The following NCOA7 variants were observed in gnomAD, a reference collection of about 807,000 sequenced individuals.
The protein encoded by NCOA7 is 140 kDa estrogen receptor-associated protein.
A neutral mutation model predicts 104.3 loss-of-function variants in NCOA7; 45 were observed. The observed-to-expected ratio is 0.43, with a 90% CI of 0.34 to 0.55. The LOEUF (loss-of-function observed/expected upper bound fraction) is 0.55. NCOA7 is among the 20% of genes least tolerant of loss of function. The probability of loss-of-function intolerance (pLI) is 0.02; values close to 1 mark genes in which losing one functional copy is unlikely to be tolerated. For missense variants in NCOA7, 1,041 were observed against 1,119.7 expected, an observed-to-expected ratio of 0.93 and a Z score of 1.00; for synonymous variants, 398 against 402.3, an observed-to-expected ratio of 0.99 and a Z score of 0.13.
chr6:125,884,559 C>T (rs938814293), intron 7 of NCOA7, among the ~76,000 whole-genome samples: 7 of 152,182 alleles, frequency 4.6e-5, no homozygotes, highest in Non-Finnish European at 7.3e-5. Context: ...CACCAAGCTA[C>T]GACTTTTTGC....
chr6:125,853,698 A>C (rs1781314326), intron 2 of NCOA7, among the ~76,000 whole-genome samples: 1 of 152,158 alleles, frequency 6.6e-6, no homozygotes, highest in Non-Finnish European at 1.5e-5. Flanking sequence ...TGATTGTATT[A>C]GGGGATATTT....
chr6:125,916,046 T>C (rs1787044347), intron 11 of NCOA7, among the ~76,000 whole-genome samples: 3 of 152,198 alleles, frequency 2.0e-5, no homozygotes, highest in Admixed American at 1.3e-4. Context: ...CACGTCCCCA[T>C]GCAAATCATA....
chr6:125,811,967 C>T (rs1777053734), intron 1 of NCOA7, among the ~76,000 whole-genome samples: 1 of 152,140 alleles, frequency 6.6e-6, no homozygotes, highest in South Asian at 2.1e-4. Context: ...GGAGTGTATA[C>T]CAGACTGGAT....
intron 2 of NCOA7, among the ~76,000 whole-genome samples, chr6:125,821,653 A>C (rs1177009438): frequency 6.6e-6 from 1 of 152,206 alleles, no homozygotes; most frequent in Non-Finnish European, 1.5e-5. Flanking sequence ...ATGTCTTATC[A>C]ACTTATTCAT....
intron 2 of NCOA7, among the ~76,000 whole-genome samples, chr6:125,828,055 G>A (rs558901241): frequency 6.6e-6 from 1 of 152,356 alleles, no homozygotes; most frequent in African/African-American, 2.4e-5. Context: ...TTGAAAACAG[G>A]TTCTGGACTG....
intron 2 of NCOA7, among the ~76,000 whole-genome samples, chr6:125,841,740 A>G (rs945610932): frequency 6.6e-5 from 10 of 152,166 alleles, no homozygotes; most frequent in African/African-American, 2.4e-4. Flanking sequence ...ACCACCCCAG[A>G]AATTCTGTTT....
At chr6:125,799,526 G>A (rs563343765) in intron 1 of NCOA7, among the ~76,000 whole-genome samples, 84 of 149,998 alleles carry the variant, frequency 5.6e-4, no homozygotes, top group African/African-American at 2.0e-3. Flanking sequence ...TGCAACCTCC[G>A]CCTCCTGGGT....
intron 13 of NCOA7, among the ~76,000 whole-genome samples, chr6:125,924,941 G>A (rs937957611): frequency 1.3e-5 from 2 of 152,118 alleles, no homozygotes; most frequent in African/African-American, 2.4e-5. Flanking sequence ...ATCCAAGCAA[G>A]TGTGGCCTAG....
At chr6:125,890,888 C>T (rs994917615) in intron 10 of NCOA7, 78 bp downstream of exon 10, 3 of 1,284,712 alleles carry the variant, frequency 2.3e-6, no homozygotes, top group African/African-American at 3.1e-5. Flanking sequence ...TCTTAAAATA[C>T]TTAATTTTAT....
At chr6:125,796,929 C>T (rs1775394223) in intron 1 of NCOA7, 1 of 152,244 alleles carries the variant, frequency 6.6e-6, no homozygotes, top group Non-Finnish European at 1.5e-5. Context: ...GATGCAGAAC[C>T]CATGGATATG....
chr6:125,806,855 A>C (rs1041011457), intron 1 of NCOA7, among the ~76,000 whole-genome samples: 7 of 152,226 alleles, frequency 4.6e-5, no homozygotes, highest in African/African-American at 1.7e-4. Context: ...TTATAAAATT[A>C]AGTGTGTAAG....
At chr6:125,823,153 T>C (rs1778349488) in intron 2 of NCOA7, among the ~76,000 whole-genome samples, 1 of 152,180 alleles carries the variant, frequency 6.6e-6, no homozygotes, top group Admixed American at 6.5e-5. Context: ...TCTTATTTGT[T>C]TATTGGTTTT....
chr6:125,809,141 ATGTAT>A (rs1776728507), intron 1 of NCOA7, among the ~76,000 whole-genome samples: 1 of 151,998 alleles, frequency 6.6e-6, no homozygotes, highest in South Asian at 2.1e-4. Flanking sequence ...TTTTTGTAAC[ATGTAT>A]TTATTTATTT....
chr6:125,843,117 A>C (rs998001498), intron 2 of NCOA7, among the ~76,000 whole-genome samples: 1 of 152,218 alleles, frequency 6.6e-6, no homozygotes. Flanking sequence ...GAGATCTTGC[A>C]GATGTGATTA....
chr6:125,835,015 A>C (rs1779496383), intron 2 of NCOA7, among the ~76,000 whole-genome samples: 1 of 152,222 alleles, frequency 6.6e-6, no homozygotes, highest in Admixed American at 6.5e-5. Context: ...ATGTGATTGC[A>C]GTCTCATTTT....
Position 125,889,546 on chromosome 6 carries a change from A to G in NCOA7, c.1492A>G (p.Lys498Glu). 6.2e-7 allele frequency: 1 copy of G among 1,614,106 alleles called. No individual in the cohort carries two copies. ...GCAAGATATAATGCCAGAAGTGGACAAGCAGTCTGGTTCGCCAGAAAGCCG... is the reference window on the plus strand; with the variant it reads ...GCAAGATATAATGCCAGAAGTGGACGAGCAGTCTGGTTCGCCAGAAAGCCG... ...EKQDIMPEVD[K>E]QSGSPESRVE... The change falls in exon 9 of 16, where the codon AAG becomes GAG. Residue 498 changes from lysine (K) to glutamate (E), a missense_variant. By Grantham distance (56) the Lys-to-Glu change is moderately conservative (BLOSUM62 1). Coordinates refer to ENST00000392477, the MANE Select transcript of NCOA7 (RefSeq NM_181782.5).
At chr6:125,902,503 G>T (rs1288850570) in intron 10 of NCOA7, among the ~76,000 whole-genome samples, 1 of 151,142 alleles carries the variant, frequency 6.6e-6, no homozygotes, top group Non-Finnish European at 1.5e-5. Context: ...TTTAAAGTGG[G>T]GATGGAAGGG....
upstream of NCOA7, among the ~76,000 whole-genome samples, chr6:125,788,038 T>C (rs747161998): frequency 6.6e-6 from 1 of 152,190 alleles, no homozygotes; most frequent in African/African-American, 2.4e-5. Context: ...TTCTTAAAGA[T>C]TACCATGTTC....
At chr6:125,796,087 G>T (rs1178643051) in intron 1 of NCOA7, among the ~76,000 whole-genome samples, 1 of 151,930 alleles carries the variant, frequency 6.6e-6, no homozygotes, top group Non-Finnish European at 1.5e-5. Flanking sequence ...ATCTCTAGGG[G>T]CCTTTCTTCC....
Sources: gnomAD v4.1 joint callset for allele counts (sites outside exome capture counted in the v4.1 genomes callset) on GRCh38, gnomAD v4.1.1 for gene constraint, MANE v1.5 for transcripts, NCBI Gene and HGNC (gene_info 2026-07-23, HGNC 2026-07-21) for gene names.